The following NRXN1 variants were observed in gnomAD, a reference collection of about 807,000 sequenced individuals.
NRXN1 encodes neurexin 1.
NRXN1 carries 39 observed loss-of-function variants against 150.9 expected under a neutral mutation model. The observed-to-expected ratio is 0.26, with a 90% CI of 0.20 to 0.34. The LOEUF is 0.34. Among genes scored for constraint, NRXN1 ranks in the 10% least tolerant of loss-of-function variants. NRXN1 has a pLI of 1.00. For missense variants in NRXN1, 1,815 were observed against 1,949.9 expected (o/e 0.93, Z 1.30); for synonymous variants, 924 against 757.0 (o/e 1.22, Z -3.62).
intron 17 of NRXN1, among the ~76,000 whole-genome samples, chr2:50,371,687 C>T (rs1572714698): frequency 1.3e-5 from 2 of 151,936 alleles, no homozygotes; most frequent in East Asian, 3.9e-4. Flanking sequence ...TTCATCTGTG[C>T]ATTTTTATGG....
intron 2 of NRXN1, among the ~76,000 whole-genome samples, chr2:50,981,563 AT>A (rs892759713): frequency 3.3e-5 from 5 of 150,972 alleles, no homozygotes; most frequent in African/African-American, 1.2e-4. Context: ...TTACGTATTA[AT>A]TTTTTTTATA....
chr2:50,493,380 G>A (rs991246152), intron 15 of NRXN1, among the ~76,000 whole-genome samples: 1 of 152,108 alleles, frequency 6.6e-6, no homozygotes, highest in Non-Finnish European at 1.5e-5. Flanking sequence ...AGCCTTCCAG[G>A]TGGTCCCAGC....
chr2:50,001,627 G>C (rs1683941057), intron 21 of NRXN1, among the ~76,000 whole-genome samples: 1 of 152,036 alleles, frequency 6.6e-6, no homozygotes, highest in East Asian at 1.9e-4. Context: ...TGTAAAATGA[G>C]AATAATAACA....
intron 5 of NRXN1, among the ~76,000 whole-genome samples, chr2:50,653,976 C>CTTTTTTTTTT (rs35931647): frequency 7.8e-6 from 1 of 127,408 alleles, no homozygotes; most frequent in Non-Finnish European, 1.6e-5. Flanking sequence ...GCCTTTTCAT[C>CTTTTTTTTTT]TTTTTTTTTT....
chr2:50,598,598 G>A lies in NRXN1; in HGVS notation c.1320+21424C>T, dbSNP rs565770482. On this transcript the variant is annotated intron_variant, in intron 8 of 22. Transcript: ENST00000401669. ...TGTGTGTATATATATGTATATATGC[G>A]CGTGTATATATACATATATATACAT... Among the ~76,000 whole-genome samples, 170 of 147,086 alleles carry A rather than the reference G, an allele frequency of 1.2e-3. 2 individuals carry two copies. Among genetic ancestry groups the A allele is most frequent in the South Asian group, 3.6e-3 (17 of 4,720 alleles).
At chr2:50,751,418 A>G (rs1700581455) in intron 5 of NRXN1, among the ~76,000 whole-genome samples, 1 of 152,006 alleles carries the variant, frequency 6.6e-6, no homozygotes, top group Non-Finnish European at 1.5e-5. Context: ...CTATACAAAC[A>G]CTGGGGAAAA....
chr2:50,879,366 C>A (rs141567439), intron 5 of NRXN1, among the ~76,000 whole-genome samples: 186 of 151,968 alleles, frequency 1.2e-3, no homozygotes, highest in Middle Eastern at 3.4e-3. Context: ...TGCTTATTTG[C>A]AGTTATTTCT....
intron 2 of NRXN1, among the ~76,000 whole-genome samples, chr2:50,988,951 C>T (rs998802815): frequency 9.2e-5 from 14 of 151,902 alleles, no homozygotes; most frequent in African/African-American, 3.4e-4. Flanking sequence ...AACTTCTCTC[C>T]TTGTCTTTCA....
intron 8 of NRXN1, among the ~76,000 whole-genome samples, chr2:50,586,907 G>C (rs1356539077): frequency 1.3e-5 from 2 of 152,162 alleles, no homozygotes; most frequent in Non-Finnish European, 2.9e-5. Context: ...GTTTATGCTA[G>C]AAAATAAAAT....
intron 18 of NRXN1, among the ~76,000 whole-genome samples, chr2:50,113,812 C>A (rs1482871662): frequency 6.6e-6 from 1 of 152,098 alleles, no homozygotes; most frequent in African/African-American, 2.4e-5. Flanking sequence ...TTTGGGCCTT[C>A]CTATGAAACT....
intron 18 of NRXN1, among the ~76,000 whole-genome samples, chr2:50,187,418 C>G (rs1254639047): frequency 6.6e-6 from 1 of 152,010 alleles, no homozygotes; most frequent in African/African-American, 2.4e-5. Context: ...AGATTTCAAG[C>G]CCACTGCAAA....
chr2:50,735,486 T>G (rs1032451709), intron 5 of NRXN1, among the ~76,000 whole-genome samples: 10 of 152,142 alleles, frequency 6.6e-5, no homozygotes, highest in African/African-American at 2.4e-4. Context: ...CTGGGAATTT[T>G]GAAAATGTCA....
intron 8 of NRXN1, among the ~76,000 whole-genome samples, chr2:50,554,656 C>T (rs2105354865): frequency 6.6e-6 from 1 of 152,262 alleles, no homozygotes; most frequent in East Asian, 1.9e-4. Context: ...AATGCTTTAT[C>T]ATCTAATAGA....
chr2:50,500,726 G>C (rs1447284540), intron 13 of NRXN1, among the ~76,000 whole-genome samples: 2 of 152,160 alleles, frequency 1.3e-5, no homozygotes, highest in Non-Finnish European at 2.9e-5. Flanking sequence ...ATGTTTCCTA[G>C]ATGCTGTGTT....
chr2:50,129,060 C>T (rs1470058760), intron 18 of NRXN1, among the ~76,000 whole-genome samples: 1 of 151,944 alleles, frequency 6.6e-6, no homozygotes. Context: ...GCAAACTGAT[C>T]CTCAAGGTGG....
At chr2:50,706,477 G>A (rs746645913) in intron 5 of NRXN1, among the ~76,000 whole-genome samples, 18 of 152,054 alleles carry the variant, frequency 1.2e-4, no homozygotes, top group Non-Finnish European at 2.2e-4. Flanking sequence ...AGCAATTGGA[G>A]AATTAGAATT....
chr2:51,012,452 T>A (rs1668030239), intron 2 of NRXN1, among the ~76,000 whole-genome samples: 1 of 152,068 alleles, frequency 6.6e-6, no homozygotes, highest in Non-Finnish European at 1.5e-5. Flanking sequence ...AATTTTTGCT[T>A]CAACTGAGGA....
intron 12 of NRXN1, among the ~76,000 whole-genome samples, chr2:50,523,142 AT>A (rs767667145): frequency 2.8e-5 from 1 of 35,966 alleles, no homozygotes; most frequent in East Asian, 3.7e-4. Context: ...TTTACATGCA[AT>A]TTTTTTTGAT....
At chr2:50,253,851 C>T (rs1288206112) in intron 17 of NRXN1, among the ~76,000 whole-genome samples, 1 of 146,440 alleles carries the variant, frequency 6.8e-6, no homozygotes, top group East Asian at 2.0e-4. Flanking sequence ...AGTGTTCATC[C>T]AGGATATTGA....
Sources: allele counts gnomAD v4.1 joint callset (sites outside exome capture counted in the v4.1 genomes callset), GRCh38; gene constraint gnomAD v4.1.1; transcripts MANE v1.5; gene names NCBI Gene and HGNC (gene_info 2026-07-23, HGNC 2026-07-21).